The following BTAF1 variants were observed in gnomAD, a reference collection of about 807,000 sequenced individuals.
The protein encoded by BTAF1 is B-TFIID TATA-box binding protein associated factor 1.
Under a neutral mutation model 227.1 loss-of-function variants are expected in BTAF1, and 38 were observed. The ratio of observed to expected loss-of-function variants is 0.17; its 90% CI spans 0.13 to 0.22. The LOEUF (loss-of-function observed/expected upper bound fraction) is 0.22. Ranked by LOEUF, BTAF1 falls within the 10% of genes least tolerant of loss-of-function variation. The pLI is 1.00. For synonymous variants in BTAF1, 742 were observed against 751.9 expected (o/e 0.99, Z 0.21); for missense variants, 1,598 against 2,204.0 (o/e 0.73, Z 5.51).
intron 33 of BTAF1, among the ~76,000 whole-genome samples, chr10:92,018,377 G>A (rs1188954851): frequency 6.6e-6 from 1 of 152,076 alleles, no homozygotes; most frequent in African/African-American, 2.4e-5. Context: ...CACCATGCCC[G>A]GCCAGAAATT....
rs761319849 is a variant in BTAF1, at chr10:92,028,954, A to G, written c.*21A>G. The G allele has an allele frequency of 6.4e-7, 1 of 1,556,186 alleles. No individual in the cohort carries two copies. Among genetic ancestry groups the G allele is most frequent in the East Asian group, 2.4e-5 (1 of 42,468 alleles). ...AGTAACTATCAAATATTGTAAATGC[A>G]ATTGCTGCTAGTTCAGTTACATTTC... is the stretch of plus-strand genomic sequence containing the variant. On this transcript the variant is annotated 3_prime_UTR_variant, in exon 38 of 38. Coordinates refer to ENST00000265990, the MANE Select transcript of BTAF1 (RefSeq NM_003972.3).
rs764625023 is a variant in BTAF1, at chr10:91,942,469, T to C, written c.301T>C (p.Leu101=). ...GGAAGATTCACCTACTACAGAGCGA[T>C]TGAATTTTGACAGATTTGATATATG... ...SMEDSPTTER[L]NFDRFDICRL... is the part of the protein sequence containing the mutation. The change falls in exon 4 of 38, where the codon TTG becomes CTG. Residue 101 remains leucine (L), a synonymous_variant. Transcript: ENST00000265990. 2.5e-6 allele frequency: 4 copies of C among 1,613,952 alleles called. No homozygotes were observed. In the South Asian group the frequency reaches 4.4e-5, roughly 18 times the overall value.
intron 34 of BTAF1, among the ~76,000 whole-genome samples, chr10:92,024,298 G>C (rs1420589071): frequency 1.3e-5 from 2 of 152,156 alleles, no homozygotes; most frequent in Non-Finnish European, 2.9e-5. Flanking sequence ...GAACCAGTTT[G>C]TCTGCGGCAT....
At position 91,989,590 on chromosome 10, in the gene BTAF1, T is replaced by C; in HGVS notation, c.2854+10T>C. The C allele has an allele frequency of 6.4e-7, 1 of 1,560,722 alleles. No individual in the cohort carries two copies. The highest frequency in any genetic ancestry group is 8.6e-7 in the Non-Finnish European group (1 of 1,158,146). ...CAGGAAAATTCTAAAGGTATATACC[T>C]AAACTTTTATTTGGGGTAGAGAAAT... On this transcript the variant is annotated intron_variant, in intron 20 of 37. Coordinates refer to ENST00000265990, the MANE Select transcript of BTAF1 (RefSeq NM_003972.3).
At chr10:91,974,625 G>A (rs1847553958) in intron 14 of BTAF1, among the ~76,000 whole-genome samples, 1 of 152,168 alleles carries the variant, frequency 6.6e-6, no homozygotes, top group African/African-American at 2.4e-5. Context: ...GCCAGTGCAG[G>A]CAGATCACTT....
At chr10:91,950,140 G>T (rs1845648085) in intron 4 of BTAF1, among the ~76,000 whole-genome samples, 1 of 26,410 alleles carries the variant, frequency 3.8e-5, no homozygotes, top group Non-Finnish European at 1.4e-4. Context: ...GAGAGACCTT[G>T]TCCTTTGTGG....
chr10:91,989,260 C>A lies in BTAF1; in HGVS notation c.2534C>A (p.Thr845Asn). 1.2e-6 allele frequency: 2 copies of A among 1,614,064 alleles called. No individual in the cohort carries two copies. Among genetic ancestry groups the A allele is most frequent in the Non-Finnish European group, 1.7e-6 (2 of 1,180,024 alleles). Residue 845 changes from threonine to asparagine, a missense_variant, in exon 20 of 38, where the codon ACC becomes AAC. This residue lies in a region of BTAF1 where 425 missense variants were observed against 491.2 expected (regional missense o/e 0.87). Coordinates refer to ENST00000265990, the MANE Select transcript of BTAF1 (RefSeq NM_003972.3). ...RQQVQMTVTE[T>N]NQEWQVLQLR... ...CAGGTCCAAATGACAGTTACAGAGA[C>A]CAACCAGGAGTGGCAAGTGTTGCAG...
At position 91,923,884 on chromosome 10, in the gene BTAF1, G is replaced by C. The variant is rs925121506; in HGVS notation, c.-193G>C. 1.7e-6 allele frequency: 1 copy of C among 577,950 alleles called. No individual in the cohort carries two copies. 35.8% of individuals were successfully genotyped at this position (577,950 alleles called of 1,614,324 possible). A position where few individuals can be genotyped will look rare whatever the true frequency, so the allele number is the denominator to read the frequency against. On this transcript the variant is annotated 5_prime_UTR_variant, in exon 1 of 38. Coordinates refer to ENST00000265990, the MANE Select transcript of BTAF1 (RefSeq NM_003972.3). ...CTACCGTCTTGGACCCCTGCTTACC[G>C]GCCGCCGCGGGGACGAGCTCGGGTA...
At chr10:91,981,513 T>C in intron 15 of BTAF1, 130 bp from the exon 16 acceptor site, 1 of 969,980 alleles carries the variant, frequency 1.0e-6, no homozygotes, top group Non-Finnish European at 1.4e-6. Flanking sequence ...AATAAGCCTC[T>C]ATATTGAATT....
Position 91,989,322 on chromosome 10 carries a change from A to G in BTAF1, c.2596A>G (p.Ser866Gly). 1 of 1,614,176 alleles carries G rather than the reference A, an allele frequency of 6.2e-7. No individual in the cohort carries two copies. The highest frequency in any genetic ancestry group is 8.5e-7 in the Non-Finnish European group (1 of 1,180,032). ...TACTTTTGCTGCCTGTGCAGTTGTG[A>G]GCTTGCAGCAGCTTCCGGAGAAATT... ...VHTFAACAVV[S>G]LQQLPEKLNP... The change falls in exon 20 of 38, where the codon AGC becomes GGC. Residue 866 changes from serine (S) to glycine (G), a missense_variant. Ser to Gly is a moderately conservative substitution (Grantham distance 56). Transcript: ENST00000265990.
intron 19 of BTAF1, among the ~76,000 whole-genome samples, chr10:91,986,349 G>C (rs1848392201): frequency 6.6e-6 from 1 of 152,092 alleles, no homozygotes; most frequent in Admixed American, 6.6e-5. Context: ...CAGCAGCTTT[G>C]TACTTAGTAA....
At chr10:91,991,376 T>C (rs2134023343) in intron 20 of BTAF1, among the ~76,000 whole-genome samples, 1 of 147,254 alleles carries the variant, frequency 6.8e-6, no homozygotes, top group South Asian at 2.2e-4. Flanking sequence ...ACCTGGGAAG[T>C]GGAGGTTGCA....
At chr10:91,941,173 G>C (rs1841073185) in intron 3 of BTAF1, among the ~76,000 whole-genome samples, 1 of 152,214 alleles carries the variant, frequency 6.6e-6, no homozygotes, top group Non-Finnish European at 1.5e-5. Context: ...TTAGAAAAGA[G>C]CCTTTTCCTT....
chr10:91,946,840 C>CT (rs1845401186), intron 4 of BTAF1, among the ~76,000 whole-genome samples: 3 of 150,062 alleles, frequency 2.0e-5, no homozygotes, highest in Admixed American at 1.3e-4. Flanking sequence ...TTTTCTTTTT[C>CT]TTTTCTTTTT....
Position 91,982,648 on chromosome 10 carries a change from A to G in BTAF1, c.2110A>G (p.Ile704Val), listed in dbSNP as rs751458194. 8.7e-6 allele frequency: 14 copies of G among 1,613,796 alleles called. No individual in the cohort carries two copies. The African/African-American group carries it at 1.1e-4, about 12-fold the overall frequency. Residue 704 changes from isoleucine (I) to valine (V), a missense_variant, in exon 18 of 38, where the codon ATT becomes GTT. Physicochemically the swap from Ile to Val is conservative, Grantham distance 29. Around this residue, in one of 10 missense-constraint regions of BTAF1, gnomAD observed 318 missense variants for 435.0 expected, o/e 0.73. Coordinates refer to ENST00000265990, the MANE Select transcript of BTAF1 (RefSeq NM_003972.3). ...DPGVNVVTQE[I>V]KPAESLGQLL... The stretch of plus-strand genomic sequence containing the variant: ...AGGTGTAAATGTGGTAACTCAAGAA[A>G]TTAAACCAGCTGAATCCCTGGGCCA...
intron 11 of BTAF1, 51 bp downstream of exon 11, chr10:91,960,205 T>G: frequency 1.3e-6 from 2 of 1,548,906 alleles, no homozygotes; most frequent in Non-Finnish European, 1.8e-6. Context: ...TTCCCCCTTA[T>G]AGTTTATTTT....
rs761840873 is a variant in BTAF1, at chr10:91,923,983, G to C, written c.-94G>C. 2.7e-5 allele frequency: 40 copies of C among 1,463,080 alleles called. No individual in the cohort carries two copies. Among genetic ancestry groups the C allele is most frequent in the Non-Finnish European group, 3.5e-5 (39 of 1,104,612 alleles). The allele number at this position is 1,463,080 out of a possible 1,614,324, so 90.6% of individuals were successfully genotyped here. A position where few individuals can be genotyped will look rare whatever the true frequency, so the allele number is the denominator to read the frequency against. ...CACCGGCCGCTCCCCTGTGCTCCGC[G>C]GCCTGGGCCTGCGCCGCTCAGCTCT... On this transcript the variant is annotated 5_prime_UTR_variant, in exon 1 of 38. Transcript: ENST00000265990.
At chr10:91,953,182 A>G (rs1813977512) in intron 5 of BTAF1, among the ~76,000 whole-genome samples, 1 of 152,134 alleles carries the variant, frequency 6.6e-6, no homozygotes, top group African/African-American at 2.4e-5. Flanking sequence ...CACAGAAGGG[A>G]TTTTTAGGCT....
chr10:91,968,103 ATTGTACATT>A (rs1847050552), intron 14 of BTAF1, among the ~76,000 whole-genome samples: 1 of 152,184 alleles, frequency 6.6e-6, no homozygotes, highest in South Asian at 2.1e-4. Context: ...TTTTGTACAT[ATTGTACATT>A]TACAAATGTA....
Sources: gnomAD v4.1 joint callset for allele counts (sites outside exome capture counted in the v4.1 genomes callset) on GRCh38, gnomAD v4.1.1 for gene constraint, gnomAD v4.1.1 regional missense constraint, MANE v1.5 for transcripts, NCBI Gene and HGNC (gene_info 2026-07-23, HGNC 2026-07-21) for gene names.